Variants in CELF2 observed in about 807,000 individuals in gnomAD.
The protein encoded by CELF2 is CUGBP Elav-like family member 2.
In CELF2, 8 loss-of-function variants were observed where a neutral mutation model predicts 62.6. That is an observed-to-expected ratio of 0.13 (90% CI 0.07 to 0.23). CELF2 has a LOEUF of 0.23. Among genes scored for constraint, CELF2 ranks in the 10% least tolerant of loss-of-function variants. The pLI, the probability that CELF2 is intolerant of heterozygous loss-of-function variation, is 1.00. For missense variants in CELF2, 333 were observed against 671.0 expected (o/e 0.50, Z 5.56); for synonymous variants, 258 against 250.0 (o/e 1.03, Z -0.30).
chr10:10,816,711 G>A (rs546046703), intron 1 of CELF2, among the ~76,000 whole-genome samples: 1 of 152,268 alleles, frequency 6.6e-6, no homozygotes, highest in Middle Eastern at 3.4e-3. Context: ...TAATCATATG[G>A]TACTAATTTG....
Position 11,329,080 on chromosome 10 carries a change from C to CT in CELF2, c.*27_*28insT. ...CCTAACCCCAGAGGCTCCCTGCTCT[C>CT]ATTTTAGCTTTCTTAGGGTAAGTCC... is the stretch of plus-strand genomic sequence containing the variant. On this transcript the variant is annotated 3_prime_UTR_variant, in exon 13 of 13. Coordinates refer to ENST00000633077, the MANE Select transcript of CELF2 (RefSeq NM_001326342.2). The surrounding 1 kb of genome is among the most constrained non-coding windows in gnomAD (Gnocchi z 5.5). The CT allele has an allele frequency of 1.3e-6, 2 of 1,593,054 alleles. No individual in the cohort carries two copies. Among genetic ancestry groups the CT allele is most frequent in the Non-Finnish European group, 1.7e-6 (2 of 1,164,820 alleles).
At chr10:10,927,621 G>A (rs2065657571) in intron 2 of CELF2, among the ~76,000 whole-genome samples, 1 of 152,028 alleles carries the variant, frequency 6.6e-6, no homozygotes, top group Non-Finnish European at 1.5e-5. Context: ...TGGAGATGGA[G>A]TCTTGGTATG....
chr10:11,196,206 A>T (rs2057432144), intron 2 of CELF2, among the ~76,000 whole-genome samples: 1 of 152,244 alleles, frequency 6.6e-6, no homozygotes, highest in Non-Finnish European at 1.5e-5. Flanking sequence ...CCTGGGAAGC[A>T]CGTGAGCAGC....
chr10:10,488,091 C>T, the CELF2 span, among the ~76,000 whole-genome samples: 1 of 152,014 alleles, frequency 6.6e-6, no homozygotes, highest in Non-Finnish European at 1.5e-5. Flanking sequence ...TTGTCATGTT[C>T]TATAACCATA....
intron 1 of CELF2, among the ~76,000 whole-genome samples, chr10:11,038,469 G>A (rs552257402): frequency 6.2e-4 from 95 of 152,234 alleles, no homozygotes; most frequent in South Asian, 3.1e-3. Context: ...GTTGGTTGTC[G>A]ACTTAGGCAA....
intron 1 of CELF2, among the ~76,000 whole-genome samples, chr10:11,132,534 C>T (rs1340362745): frequency 1.3e-5 from 2 of 152,144 alleles, no homozygotes; most frequent in Non-Finnish European, 2.9e-5. Context: ...TCAGCCTGAT[C>T]GTGAATACTC....
In CELF2 at chr10:11,318,830, T is replaced by C; in HGVS notation, c.1097-2359T>C. On this transcript the variant is annotated intron_variant, in intron 10 of 12. Transcript: ENST00000633077. The surrounding 1 kb of genome is among the most constrained non-coding windows in gnomAD (Gnocchi z 5.4). ...TGCCATAAAATGCCACCTGTGTATC[T>C]GGCACTCTGGAGAAGCCGAGTCGTG... 1 of 471,280 alleles carries C rather than the reference T, an allele frequency of 2.1e-6. No individual in the cohort carries two copies. The highest frequency in any genetic ancestry group is 1.5e-5 in the South Asian group (1 of 64,566). 29.2% of individuals were successfully genotyped at this position (471,280 alleles called of 1,614,324 possible). A position where few individuals can be genotyped will look rare whatever the true frequency, so the allele number is the denominator to read the frequency against.
intron 1 of CELF2, among the ~76,000 whole-genome samples, chr10:11,113,600 A>G (rs2055789705): frequency 6.6e-6 from 1 of 152,196 alleles, no homozygotes; most frequent in African/African-American, 2.4e-5. Context: ...GGGATACTAA[A>G]ATAGAATTTT....
At chr10:10,754,061 G>GGTTTTTTTTGTTTTT in the CELF2 span, among the ~76,000 whole-genome samples, 1 of 85,056 alleles carries the variant, frequency 1.2e-5, no homozygotes, top group African/African-American at 4.5e-5. Flanking sequence ...TGCTGAGGTG[G>GGTTTTTTTTGTTTTT]TTTTTTTTTT....
the CELF2 span, among the ~76,000 whole-genome samples, chr10:10,469,559 T>C: frequency 8.6e-5 from 13 of 151,952 alleles, no homozygotes; most frequent in African/African-American, 3.1e-4. Context: ...CTAATACTTT[T>C]ATTAAGAATT....
the CELF2 span, among the ~76,000 whole-genome samples, chr10:10,732,627 G>A: frequency 1.1e-4 from 16 of 150,524 alleles, no homozygotes; most frequent in South Asian, 1.7e-3. Context: ...GGGTTCAAGC[G>A]CTTCTCCTGC....
chr10:10,639,450 A>C, the CELF2 span, among the ~76,000 whole-genome samples: 1 of 152,220 alleles, frequency 6.6e-6, no homozygotes, highest in African/African-American at 2.4e-5. Flanking sequence ...ATTAACAAGT[A>C]AATTTTATAA....
chr10:11,249,496 C>A (rs897836175), intron 4 of CELF2, among the ~76,000 whole-genome samples: 3 of 152,160 alleles, frequency 2.0e-5, no homozygotes, highest in African/African-American at 7.2e-5. Context: ...GCATTTGGTT[C>A]CTGTCTCCTC....
intron 1 of CELF2, among the ~76,000 whole-genome samples, chr10:11,126,103 T>TA (rs1258205861): frequency 6.6e-6 from 1 of 152,248 alleles, no homozygotes; most frequent in Non-Finnish European, 1.5e-5. Context: ...GTAGTCAAGA[T>TA]ACGCTGTCTG....
the CELF2 span, among the ~76,000 whole-genome samples, chr10:10,527,287 C>CA: frequency 6.6e-6 from 1 of 151,538 alleles, no homozygotes; most frequent in South Asian, 2.1e-4. Flanking sequence ...ACTAAAAATA[C>CA]AAAAAAAATT....
chr10:11,253,029 G>C (rs2077605123), intron 4 of CELF2, among the ~76,000 whole-genome samples: 1 of 152,074 alleles, frequency 6.6e-6, no homozygotes. Context: ...GCCCAACGAG[G>C]TACCAGCTGT....
the CELF2 span, among the ~76,000 whole-genome samples, chr10:10,750,655 CAT>C: frequency 3.0e-4 from 45 of 152,330 alleles, no homozygotes; most frequent in African/African-American, 8.9e-4. Context: ...CGCAAATACA[CAT>C]GTGTGTATAC....
chr10:11,234,471 A>G (rs1412514566), intron 3 of CELF2, among the ~76,000 whole-genome samples: 1 of 152,208 alleles, frequency 6.6e-6, no homozygotes. Flanking sequence ...TCACGAGGTC[A>G]GGAGACGGAG....
At chr10:10,869,541 G>A (rs1275918915) in intron 1 of CELF2, among the ~76,000 whole-genome samples, 1 of 150,150 alleles carries the variant, frequency 6.7e-6, no homozygotes, top group African/African-American at 2.5e-5. Context: ...CTCCAGCCTG[G>A]GTGACAGAGT....
Sources: gnomAD v4.1 joint callset for allele counts (sites outside exome capture counted in the v4.1 genomes callset) on GRCh38, gnomAD v4.1.1 for gene constraint, Gnocchi (gnomAD v3.1) non-coding constraint, MANE v1.5 for transcripts, NCBI Gene and HGNC (gene_info 2026-07-23, HGNC 2026-07-21) for gene names.